The following NDFIP2 variants were observed in gnomAD, a reference collection of about 807,000 sequenced individuals.
NDFIP2 encodes the protein Nedd4 family interacting protein 2, also known as NEDD4 family-interacting protein 2.
NDFIP2 carries 19 observed loss-of-function variants against 36.0 expected under a neutral mutation model. The observed-to-expected ratio is 0.53, with a 90% CI of 0.37 to 0.77. NDFIP2 has a LOEUF of 0.77. NDFIP2 is among the 30% of genes least tolerant of loss of function. NDFIP2 has a pLI of 0.00. For synonymous variants in NDFIP2, 181 were observed against 167.7 expected (o/e 1.08, Z -0.61); for missense variants, 446 against 435.8 (o/e 1.02, Z -0.21).
chr13:79,520,713 C>T, intron 1 of NDFIP2, 97 bp from the exon 2 acceptor site: 9 of 1,173,866 alleles, frequency 7.7e-6, no homozygotes, highest in Non-Finnish European at 1.0e-5. Flanking sequence ...TGTGTTTGGC[C>T]AAAAAGCGAT....
chr13:79,542,273 T>C (rs374183442), intron 4 of NDFIP2, among the ~76,000 whole-genome samples: 1 of 152,190 alleles, frequency 6.6e-6, no homozygotes, highest in East Asian at 1.9e-4. Flanking sequence ...TAATAAGTAA[T>C]CACCTGCATT....
At chr13:79,491,718 G>T (rs1873231259) in intron 1 of NDFIP2, among the ~76,000 whole-genome samples, 1 of 152,114 alleles carries the variant, frequency 6.6e-6, no homozygotes, top group African/African-American at 2.4e-5. Flanking sequence ...CTGTGGAATG[G>T]TATGGAATCT....
At chr13:79,514,942 G>A (rs73551589) in intron 1 of NDFIP2, among the ~76,000 whole-genome samples, 4,014 of 152,240 alleles carry the variant, frequency 0.026, 177 homozygotes, top group African/African-American at 0.092. Flanking sequence ...AGCTCATGGT[G>A]CTCTTTGTGT....
chr13:79,533,367 A>G lies in NDFIP2; in HGVS notation c.532A>G (p.Ser178Gly). 6.2e-7 allele frequency: 1 copy of G among 1,611,882 alleles called. No individual in the cohort carries two copies. The highest frequency in any genetic ancestry group is 8.5e-7 in the Non-Finnish European group (1 of 1,178,710). The stretch of plus-strand genomic sequence containing the variant: ...GTTTTATCCCGTGCCACCTCCCTAT[A>G]GCGTTGCTACCTCTCTTCCTACATA... ...GEFYPVPPPY[S>G]VATSLPTYDE... Residue 178 changes from serine to glycine, a missense_variant, in exon 3 of 8, where the codon AGC becomes GGC. Ser to Gly is a moderately conservative substitution (Grantham distance 56). This residue lies in a region of NDFIP2 where 369 missense variants were observed against 304.8 expected (regional missense o/e 1.21). Transcript: ENST00000218652.
intron 1 of NDFIP2, among the ~76,000 whole-genome samples, chr13:79,491,885 T>C (rs1873237254): frequency 6.6e-6 from 1 of 152,206 alleles, no homozygotes; most frequent in Non-Finnish European, 1.5e-5. Flanking sequence ...TGGGTAAAAT[T>C]CTTGTTAAAG....
At chr13:79,514,319 T>C (rs1296397028) in intron 1 of NDFIP2, among the ~76,000 whole-genome samples, 1 of 152,198 alleles carries the variant, frequency 6.6e-6, no homozygotes, top group Non-Finnish European at 1.5e-5. Flanking sequence ...CTATATTATA[T>C]TTTCTTTAAA....
In NDFIP2 at chr13:79,552,581, A is replaced by G. The variant is rs1875949172; in HGVS notation, c.*68A>G. ...ATTTCCAGATCATCTGTAAACCTAC[A>G]ACTTTAATAGAAGACTACTAATAAC... On this transcript the variant is annotated 3_prime_UTR_variant, in exon 8 of 8. Coordinates refer to ENST00000218652, the MANE Select transcript of NDFIP2 (RefSeq NM_019080.3). 6.6e-6 allele frequency: 1 copy of G among 151,908 alleles called. No individual in the cohort carries two copies. The highest frequency in any genetic ancestry group is 2.1e-4 in the South Asian group (1 of 4,828). 9.4% of individuals were successfully genotyped at this position (151,908 alleles called of 1,614,324 possible). A position where few individuals can be genotyped will look rare whatever the true frequency, so the allele number is the denominator to read the frequency against.
intron 1 of NDFIP2, among the ~76,000 whole-genome samples, chr13:79,489,002 A>G (rs947621023): frequency 1.3e-5 from 2 of 152,206 alleles, no homozygotes; most frequent in Non-Finnish European, 2.9e-5. Flanking sequence ...GGTGAGAAAC[A>G]TGAGACACAA....
At chr13:79,510,384 T>TG (rs1208294986) in intron 1 of NDFIP2, among the ~76,000 whole-genome samples, 2 of 149,020 alleles carry the variant, frequency 1.3e-5, no homozygotes, top group African/African-American at 2.4e-5. Flanking sequence ...TTTTTTTTGT[T>TG]TTTTTTTTTT....
chr13:79,510,639 G>A (rs1325968694), intron 1 of NDFIP2, among the ~76,000 whole-genome samples: 1 of 152,004 alleles, frequency 6.6e-6, no homozygotes, highest in Non-Finnish European at 1.5e-5. Flanking sequence ...GGGCAAAATA[G>A]GTTATAGTGG....
At chr13:79,539,847 G>A in intron 4 of NDFIP2, 72 bp downstream of exon 4, 5 of 1,240,480 alleles carry the variant, frequency 4.0e-6, no homozygotes, top group Non-Finnish European at 5.9e-6. Context: ...GTAACATAGT[G>A]AAGAGAAGCA....
Position 79,555,938 on chromosome 13 carries a change from C to G in NDFIP2, c.*3425C>G. ...TCACTAAACTGTTTATGTGACAAACCTTTCAAGATTGGAGATGAAAACAAC... is the reference window on the plus strand; with the variant it reads ...TCACTAAACTGTTTATGTGACAAACGTTTCAAGATTGGAGATGAAAACAAC... On this transcript the variant is annotated 3_prime_UTR_variant, in exon 8 of 8. Transcript: ENST00000218652. 1 of 152,102 alleles carries G rather than the reference C, an allele frequency of 6.6e-6. No individual in the cohort carries two copies. The highest frequency in any genetic ancestry group is 2.4e-5 in the African/African-American group (1 of 41,434). 9.4% of individuals were successfully genotyped at this position (152,102 alleles called of 1,614,324 possible). A position where few individuals can be genotyped will look rare whatever the true frequency, so the allele number is the denominator to read the frequency against.
rs996456990 is a variant in NDFIP2 at position 79,554,661 on chromosome 13, A to G, written c.*2148A>G. On this transcript the variant is annotated 3_prime_UTR_variant, in exon 8 of 8. Transcript: ENST00000218652. ...TCAGAATGTTATTTTCAAGAACTTA[A>G]TGTTCCCTTCAGATATATAAAATCC... is the stretch of plus-strand genomic sequence containing the variant. 1.3e-5 allele frequency: 2 copies of G among 151,834 alleles called. No homozygotes were observed. Among genetic ancestry groups the G allele is most frequent in the Admixed American group, 6.6e-5 (1 of 15,206 alleles). 9.4% of individuals were successfully genotyped at this position (151,834 alleles called of 1,614,324 possible). A position where few individuals can be genotyped will look rare whatever the true frequency, so the allele number is the denominator to read the frequency against.
intron 1 of NDFIP2, among the ~76,000 whole-genome samples, chr13:79,520,464 G>A (rs1056270062): frequency 7.2e-5 from 11 of 152,160 alleles, no homozygotes; most frequent in Admixed American, 6.5e-4. Flanking sequence ...TAAAATTACA[G>A]TAGGCCCCCT....
At chr13:79,528,112 T>C (rs1874871227) in intron 2 of NDFIP2, among the ~76,000 whole-genome samples, 1 of 151,892 alleles carries the variant, frequency 6.6e-6, no homozygotes, top group South Asian at 2.1e-4. Flanking sequence ...ATACAAAAAT[T>C]AGCTGGGTGT....
At position 79,520,839 on chromosome 13, in the gene NDFIP2, A is replaced by C. The variant is rs1874544052; in HGVS notation, c.351A>C (p.Ser117=). The C allele has an allele frequency of 6.2e-7, 1 of 1,613,286 alleles. No individual in the cohort carries two copies. Among genetic ancestry groups the C allele is most frequent in the African/African-American group, 1.3e-5 (1 of 74,890 alleles). The change falls in exon 2 of 8, where the codon TCA becomes TCC. Residue 117 remains serine, a synonymous_variant. Coordinates refer to ENST00000218652, the MANE Select transcript of NDFIP2 (RefSeq NM_019080.3). The part of the protein sequence containing the change: ...VLLNEEDNSE[S]SAIEQPPTSN... ...TTAATGAAGAGGATAACTCAGAATC[A>C]TCGGCTATAGAGCAGCCACCTACTT...
At position 79,545,181 on chromosome 13, in the gene NDFIP2, A is replaced by G. The variant is rs78823129; in HGVS notation, c.840+1499A>G. Among the ~76,000 whole-genome samples, 985 of 152,342 alleles carry G rather than the reference A, an allele frequency of 6.5e-3. 7 individuals are homozygous for G. The highest frequency in any genetic ancestry group is 0.023 in the African/African-American group (937 of 41,588). On this transcript the variant is annotated intron_variant, in intron 5 of 7. Coordinates refer to ENST00000218652, the MANE Select transcript of NDFIP2 (RefSeq NM_019080.3). ...GGATTTCTCATCTAAATCACAGAAC[A>G]TAGAAAATGATATGAGGACTGTTTT...
chr13:79,485,771 A>T (rs377754320), intron 1 of NDFIP2, among the ~76,000 whole-genome samples: 37 of 152,202 alleles, frequency 2.4e-4, no homozygotes, highest in African/African-American at 8.7e-4. Context: ...AGTTAATAAG[A>T]AGCTTTCTAC....
intron 1 of NDFIP2, among the ~76,000 whole-genome samples, chr13:79,489,918 T>A (rs2140732618): frequency 6.6e-6 from 1 of 152,342 alleles, no homozygotes; most frequent in South Asian, 2.1e-4. Context: ...CAAGGTCTAA[T>A]GCCGAATGAA....
Sources: allele counts gnomAD v4.1 joint callset (sites outside exome capture counted in the v4.1 genomes callset), GRCh38; gene constraint gnomAD v4.1.1; regional missense constraint gnomAD v4.1.1; transcripts MANE v1.5; gene names NCBI Gene and HGNC (gene_info 2026-07-23, HGNC 2026-07-21).